The following PCNX2 variants were observed in gnomAD, a reference collection of about 807,000 sequenced individuals.
The protein encoded by PCNX2 is pecanex 2.
PCNX2 carries 168 observed loss-of-function variants against 223.8 expected under a neutral mutation model. The ratio of observed to expected loss-of-function variants is 0.75; its 90% CI spans 0.66 to 0.85. The LOEUF (loss-of-function observed/expected upper bound fraction) is 0.85, where lower values mean the gene tolerates loss of function less well. Among genes scored for constraint, PCNX2 ranks in the 40% least tolerant of loss-of-function variants. PCNX2 has a pLI of 0.00. For missense variants in PCNX2, 2,507 were observed against 2,675.5 expected (o/e 0.94, Z 1.39); for synonymous variants, 1,006 against 1,052.6 (o/e 0.96, Z 0.86).
chr1:233,063,217 C>A (rs1254594221), intron 23 of PCNX2, among the ~76,000 whole-genome samples: 1 of 151,874 alleles, frequency 6.6e-6, no homozygotes, highest in Non-Finnish European at 1.5e-5. Context: ...GCCTGGGAGA[C>A]AGAGCAAGAC....
At chr1:233,011,398 A>G (rs183421542) in intron 28 of PCNX2, among the ~76,000 whole-genome samples, 1 of 152,340 alleles carries the variant, frequency 6.6e-6, no homozygotes, top group Non-Finnish European at 1.5e-5. Flanking sequence ...CCCTGCCTTC[A>G]TAACAGTGGT....
At chr1:233,313,261 G>A in the PCNX2 span, among the ~76,000 whole-genome samples, 2 of 152,300 alleles carry the variant, frequency 1.3e-5, no homozygotes, top group Admixed American at 6.5e-5. Context: ...ACATGCATGA[G>A]TGTAGTTTGT....
chr1:233,135,201 C>T lies in PCNX2; in HGVS notation c.3660-11G>A. ...AGAAAAATGTCCCAGCTGTTGGAAA[C>T]AAAAGAAAAGATGCAATCAATGACA... On this transcript the variant is annotated splice_polypyrimidine_tract_variant and intron_variant, in intron 20 of 33. Coordinates refer to ENST00000258229, the MANE Select transcript of PCNX2 (RefSeq NM_014801.4). The T allele has an allele frequency of 6.2e-7, 1 of 1,610,622 alleles. No individual in the cohort carries two copies. The highest frequency in any genetic ancestry group is 8.5e-7 in the Non-Finnish European group (1 of 1,178,348).
chr1:233,176,810 G>A (rs767963949), intron 17 of PCNX2, among the ~76,000 whole-genome samples: 8 of 152,242 alleles, frequency 5.3e-5, no homozygotes, highest in Non-Finnish European at 8.8e-5. Flanking sequence ...TCAGGAGATC[G>A]AGACCATCCT....
chr1:233,169,875 G>GA (rs201713336), intron 17 of PCNX2, among the ~76,000 whole-genome samples: 87 of 144,752 alleles, frequency 6.0e-4, no homozygotes, highest in Non-Finnish European at 9.4e-4. Flanking sequence ...TTTCTTGCTT[G>GA]AAAAAAAAAA....
In PCNX2 at chr1:233,252,584, T is replaced by C. The variant is rs1659522777; in HGVS notation, c.1982+57A>G. 3 of 1,588,114 alleles carry C rather than the reference T, an allele frequency of 1.9e-6. No homozygotes were observed. The South Asian group carries it at 3.4e-5, about 18-fold the overall frequency. Reference sequence around the variant, plus strand: ...AGCATTAAAAGCAGAAGCCAGTAAATGAGGCTGTCTCATGCTTTATGACCA... The same window carrying C: ...AGCATTAAAAGCAGAAGCCAGTAAACGAGGCTGTCTCATGCTTTATGACCA... On this transcript the variant is annotated intron_variant, in intron 6 of 33. Coordinates refer to ENST00000258229, the MANE Select transcript of PCNX2 (RefSeq NM_014801.4).
intron 8 of PCNX2, among the ~76,000 whole-genome samples, chr1:233,244,233 G>A (rs536469318): frequency 1.3e-5 from 2 of 152,252 alleles, no homozygotes; most frequent in Non-Finnish European, 1.5e-5. Flanking sequence ...GTTGCATAAC[G>A]TCAAACAAAA....
chr1:233,032,086 G>GTTTT (rs757134629), intron 25 of PCNX2: 16 of 919,646 alleles, frequency 1.7e-5, no homozygotes, highest in African/African-American at 2.6e-5. Flanking sequence ...AAATAAGACA[G>GTTTT]TTTTCTTTCT....
intron 17 of PCNX2, among the ~76,000 whole-genome samples, chr1:233,163,001 C>A (rs1484418250): frequency 6.6e-6 from 1 of 151,974 alleles, no homozygotes; most frequent in Non-Finnish European, 1.5e-5. Context: ...ACCTTTTTTT[C>A]ACAGTTGGAT....
chr1:233,021,941 G>C (rs1181957416), intron 26 of PCNX2, among the ~76,000 whole-genome samples: 2 of 152,136 alleles, frequency 1.3e-5, no homozygotes, highest in Non-Finnish European at 2.9e-5. Flanking sequence ...AGGAAAGAAG[G>C]CATCAAAAAG....
At chr1:233,102,087 CTTTT>C (rs201107797) in intron 21 of PCNX2, among the ~76,000 whole-genome samples, 17 of 125,020 alleles carry the variant, frequency 1.4e-4, no homozygotes, top group African/African-American at 1.5e-4. Context: ...ATTCATTTTT[CTTTT>C]TTTTTTTTTT....
At chr1:233,146,498 C>T (rs149167050) in intron 19 of PCNX2, among the ~76,000 whole-genome samples, 9 of 152,244 alleles carry the variant, frequency 5.9e-5, no homozygotes, top group African/African-American at 2.2e-4. Context: ...TCTTTCTGTA[C>T]AAAATTATTT....
In PCNX2 at chr1:233,295,002, T is replaced by A. The variant is rs1661986694; in HGVS notation, c.153+324A>T. ...CAAACATTATCCCAAGCTACCCAGCTCTAAGGCCTAGAGTTACCCACCTAC... is the reference window on the plus strand; with the variant it reads ...CAAACATTATCCCAAGCTACCCAGCACTAAGGCCTAGAGTTACCCACCTAC... On this transcript the variant is annotated intron_variant, in intron 1 of 33. Transcript: ENST00000258229. The surrounding 1 kb of genome is among the most constrained non-coding windows in gnomAD (Gnocchi z 4.1). 6.6e-6 allele frequency among the ~76,000 whole-genome samples: 1 copy of A among 152,078 alleles called. No homozygotes were observed. Among genetic ancestry groups the A allele is most frequent in the Admixed American group, 6.5e-5 (1 of 15,268 alleles).
chr1:233,088,276 C>T (rs767255607), intron 23 of PCNX2, among the ~76,000 whole-genome samples: 18 of 152,164 alleles, frequency 1.2e-4, no homozygotes, highest in East Asian at 3.8e-4. Flanking sequence ...GCCAGAAAGA[C>T]GGATTCCCTA....
intron 1 of PCNX2, chr1:233,292,028 T>C (rs1250625826): frequency 1.4e-5 from 14 of 970,590 alleles, no homozygotes; most frequent in Non-Finnish European, 1.7e-5. Flanking sequence ...TATACATAGT[T>C]TATAAATGCT....
intron 23 of PCNX2, among the ~76,000 whole-genome samples, chr1:233,084,723 T>C (rs1405310525): frequency 2.6e-5 from 4 of 152,344 alleles, no homozygotes; most frequent in Admixed American, 1.3e-4. Flanking sequence ...ATGACAAAGT[T>C]TGGTTATTTA....
chr1:233,039,737 G>C (rs1215157121), intron 25 of PCNX2, among the ~76,000 whole-genome samples: 1 of 152,088 alleles, frequency 6.6e-6, no homozygotes, highest in African/African-American at 2.4e-5. Flanking sequence ...AACTGGCTTT[G>C]GTTTTCAAAT....
rs373209360 is a variant in PCNX2, at chr1:232,984,108, A to AT, written c.*195dup. Reference sequence around the variant, plus strand: ...GAGGTTTTTTTGTTGTTGTTGTTTGATTTTTTTTTTTTTTTTTTTTTTTTT... The same window carrying AT: ...GAGGTTTTTTTGTTGTTGTTGTTTGATTTTTTTTTTTTTTTTTTTTTTTTTT... On this transcript the variant is annotated 3_prime_UTR_variant, in exon 34 of 34. Transcript: ENST00000258229. 4.3e-3 allele frequency: 584 copies of AT among 135,164 alleles called. 32 individuals carry two copies. Among genetic ancestry groups the AT allele is most frequent in the African/African-American group, 0.017 (264 of 15,468 alleles). 8.4% of individuals were successfully genotyped at this position (135,164 alleles called of 1,614,324 possible). A position where few individuals can be genotyped will look rare whatever the true frequency, so the allele number is the denominator to read the frequency against.
At position 232,983,768 on chromosome 1, in the gene PCNX2, T is replaced by G. The variant is rs910960590; in HGVS notation, c.*536A>C. 6.6e-6 allele frequency: 1 copy of G among 152,142 alleles called. No homozygotes were observed. Among genetic ancestry groups the G allele is most frequent in the African/African-American group, 2.4e-5 (1 of 41,420 alleles). 9.4% of individuals were successfully genotyped at this position (152,142 alleles called of 1,614,324 possible). A position where few individuals can be genotyped will look rare whatever the true frequency, so the allele number is the denominator to read the frequency against. Reference sequence around the variant, plus strand: ...GCATAAATATTATAAAGAAATAGGGTTTTCTTGACACTTAGATTTAACCTT... The same window carrying G: ...GCATAAATATTATAAAGAAATAGGGGTTTCTTGACACTTAGATTTAACCTT... On this transcript the variant is annotated 3_prime_UTR_variant, in exon 34 of 34. Coordinates refer to ENST00000258229, the MANE Select transcript of PCNX2 (RefSeq NM_014801.4).
Sources: allele counts gnomAD v4.1 joint callset (sites outside exome capture counted in the v4.1 genomes callset), GRCh38; gene constraint gnomAD v4.1.1; non-coding constraint Gnocchi (gnomAD v3.1); transcripts MANE v1.5; gene names NCBI Gene and HGNC (gene_info 2026-07-23, HGNC 2026-07-21).